The following LPAR3 variants were observed in gnomAD, a reference collection of about 807,000 sequenced individuals.
LPAR3 encodes lysophosphatidic acid receptor 3, also known as LPA receptor 3.
A neutral mutation model predicts 17.8 loss-of-function variants in LPAR3; 7 were observed. The ratio of observed to expected loss-of-function variants is 0.39; its 90% CI spans 0.22 to 0.74. The LOEUF (loss-of-function observed/expected upper bound fraction) is 0.74, where lower values mean the gene tolerates loss of function less well. LPAR3 is among the 30% of genes least tolerant of loss of function. The pLI is 0.40. For missense variants in LPAR3, 391 were observed against 453.4 expected (o/e 0.86, Z 1.25); for synonymous variants, 179 against 179.9 (o/e 0.99, Z 0.04).
chr1:84,877,178 T>C (rs187248378), intron 1 of LPAR3, among the ~76,000 whole-genome samples: 59 of 152,332 alleles, frequency 3.9e-4, no homozygotes, highest in African/African-American at 1.1e-3. Context: ...TCTTATGATG[T>C]CTGGCAAGGG....
intron 1 of LPAR3, among the ~76,000 whole-genome samples, chr1:84,886,264 T>C (rs61286659): frequency 0.02 from 3,028 of 152,294 alleles, 97 homozygotes; most frequent in African/African-American, 0.069. Flanking sequence ...TGGTAGCTCA[T>C]ACCTGTAATC....
chr1:84,839,154 A>G (rs1261955517), intron 2 of LPAR3, among the ~76,000 whole-genome samples: 1 of 152,220 alleles, frequency 6.6e-6, no homozygotes, highest in African/African-American at 2.4e-5. Flanking sequence ...CACCATTTAG[A>G]TAGCATTTGG....
chr1:84,867,841 T>G (rs927205932), intron 1 of LPAR3, among the ~76,000 whole-genome samples: 1 of 152,170 alleles, frequency 6.6e-6, no homozygotes, highest in Admixed American at 6.5e-5. Context: ...TTCCCCAAAT[T>G]AAAAATACAG....
At chr1:84,827,685 T>G (rs1265029519) in intron 2 of LPAR3, among the ~76,000 whole-genome samples, 2 of 152,162 alleles carry the variant, frequency 1.3e-5, no homozygotes, top group East Asian at 3.9e-4. Flanking sequence ...TACAGTTGAC[T>G]TAGAAAGCAG....
At chr1:84,877,883 A>C (rs1386512529) in intron 1 of LPAR3, among the ~76,000 whole-genome samples, 1 of 152,200 alleles carries the variant, frequency 6.6e-6, no homozygotes, top group African/African-American at 2.4e-5. Context: ...TAGATGCACA[A>C]CAAATCTCTG....
intron 1 of LPAR3, among the ~76,000 whole-genome samples, chr1:84,867,777 T>G (rs1660081735): frequency 6.6e-6 from 1 of 152,160 alleles, no homozygotes. Flanking sequence ...AATATTTAAC[T>G]GTAAATATCA....
chr1:84,868,271 G>A (rs539084020), intron 1 of LPAR3, among the ~76,000 whole-genome samples: 16 of 152,204 alleles, frequency 1.1e-4, no homozygotes, highest in African/African-American at 2.4e-4. Context: ...CAGCACGCCC[G>A]GCTAATTTTT....
At chr1:84,840,050 T>C (rs1659478500) in intron 2 of LPAR3, among the ~76,000 whole-genome samples, 1 of 151,820 alleles carries the variant, frequency 6.6e-6, no homozygotes, top group African/African-American at 2.4e-5. Context: ...AGCCTCCCAA[T>C]TAGCTGGGAC....
chr1:84,884,949 C>T (rs897876312), intron 1 of LPAR3, among the ~76,000 whole-genome samples: 7 of 152,180 alleles, frequency 4.6e-5, no homozygotes, highest in Admixed American at 4.6e-4. Context: ...GTCCAGCTAA[C>T]GTTCTCTCAC....
intron 2 of LPAR3, among the ~76,000 whole-genome samples, chr1:84,823,288 T>G (rs777478997): frequency 1.3e-5 from 2 of 152,204 alleles, no homozygotes; most frequent in Non-Finnish European, 2.9e-5. Context: ...AATTAACACT[T>G]TCAGATGTGG....
At chr1:84,834,247 C>T (rs898400155) in intron 2 of LPAR3, among the ~76,000 whole-genome samples, 4 of 152,040 alleles carry the variant, frequency 2.6e-5, no homozygotes, top group African/African-American at 7.3e-5. Flanking sequence ...TAGCACAGTG[C>T]CTGTCATAAG....
At chr1:84,861,523 T>A (rs980631984) in intron 2 of LPAR3, among the ~76,000 whole-genome samples, 5 of 152,224 alleles carry the variant, frequency 3.3e-5, no homozygotes, top group African/African-American at 1.2e-4. Context: ...TTAAAGATGG[T>A]CTATGCCACC....
Position 84,865,707 on chromosome 1 carries a change from G to C in LPAR3, c.414C>G (p.Ser138Arg). ...GTGTCACCCTCTTTTTGGTCAGGTT[G>C]CTATGGACCCGCATCCTCATGATTG... is the stretch of plus-strand genomic sequence containing the variant. Reference protein sequence around the residue: ...HMSIMRMRVHSNLTKKRVTLL... With the variant: ...HMSIMRMRVHRNLTKKRVTLL... The change falls in exon 2 of 3, where the codon AGC (serine) becomes AGG (arginine). Residue 138 changes from serine to arginine, a missense_variant. Coordinates refer to ENST00000370611, the MANE Select transcript of LPAR3 (RefSeq NM_012152.3). The C allele has an allele frequency of 6.2e-7, 1 of 1,614,198 alleles. No homozygotes were observed. The highest frequency in any genetic ancestry group is 8.5e-7 in the Non-Finnish European group (1 of 1,180,042).
intron 1 of LPAR3, among the ~76,000 whole-genome samples, chr1:84,886,638 G>A (rs548108676): frequency 5.9e-5 from 9 of 152,130 alleles, no homozygotes; most frequent in Non-Finnish European, 1.0e-4. Flanking sequence ...ATGTCAATTT[G>A]CTTGACTGTA....
intron 2 of LPAR3, among the ~76,000 whole-genome samples, chr1:84,826,617 CA>C (rs5775801): frequency 0.33 from 47,810 of 142,974 alleles, 8,113 homozygotes; most frequent in East Asian, 0.57. Flanking sequence ...TGTTTTTAAC[CA>C]AAAAAAAAAA....
At chr1:84,842,923 A>G (rs1659531881) in intron 2 of LPAR3, among the ~76,000 whole-genome samples, 1 of 152,336 alleles carries the variant, frequency 6.6e-6, no homozygotes, top group Non-Finnish European at 1.5e-5. Context: ...ACATGGAAGA[A>G]TTAGATTGCA....
At chr1:84,873,685 TCA>T (rs1441877078) in intron 1 of LPAR3, among the ~76,000 whole-genome samples, 2 of 152,132 alleles carry the variant, frequency 1.3e-5, no homozygotes, top group African/African-American at 4.8e-5. Flanking sequence ...AGCTAAACCC[TCA>T]GTGTTGCTAA....
chr1:84,853,131 A>G (rs958717126), intron 2 of LPAR3, among the ~76,000 whole-genome samples: 1 of 151,920 alleles, frequency 6.6e-6, no homozygotes, highest in Admixed American at 6.6e-5. Flanking sequence ...AACCAAGAAC[A>G]AAAGTCTGGT....
At chr1:84,832,678 C>T (rs1337713100) in intron 2 of LPAR3, among the ~76,000 whole-genome samples, 1 of 152,116 alleles carries the variant, frequency 6.6e-6, no homozygotes, top group South Asian at 2.1e-4. Flanking sequence ...TCCCTTGGTG[C>T]CGTAGTAACA....
Sources: gnomAD v4.1 joint callset for allele counts (sites outside exome capture counted in the v4.1 genomes callset) on GRCh38, gnomAD v4.1.1 for gene constraint, MANE v1.5 for transcripts, NCBI Gene and HGNC (gene_info 2026-07-23, HGNC 2026-07-21) for gene names.